The following MSL3 variants were observed in gnomAD, a reference collection of about 807,000 sequenced individuals.
MSL3 encodes the protein MSL3-like 1.
In MSL3, 5 loss-of-function variants were observed where a neutral mutation model predicts 37.2. The observed-to-expected ratio is 0.13, with a 90% CI of 0.07 to 0.28. The LOEUF (loss-of-function observed/expected upper bound fraction) is 0.28, where lower values mean the gene tolerates loss of function less well. Ranked by LOEUF, MSL3 falls within the 10% of genes least tolerant of loss-of-function variation. The pLI, the probability that MSL3 is intolerant of heterozygous loss-of-function variation, is 1.00. For synonymous variants in MSL3, 149 were observed against 147.6 expected, an observed-to-expected ratio of 1.01 and a Z score of -0.07; for missense variants, 315 against 408.5, an observed-to-expected ratio of 0.77 and a Z score of 1.97.
chrX:11,764,319 C>T (rs772215416), intron 8 of MSL3: 9 of 121,723 alleles, frequency 7.4e-5, no homozygotes, highest in Non-Finnish European at 1.5e-4. Context: ...TTAGGAGCCT[C>T]CTTCTTTTGC....
At chrX:11,766,042 C>G in intron 9 of MSL3, 1 of 962,985 alleles carries the variant, frequency 1.0e-6, no homozygotes, top group Non-Finnish European at 1.3e-6. Flanking sequence ...CCTAATGAAG[C>G]ATTCAAAATG....
At chrX:11,765,369 A>C in intron 8 of MSL3, 98 bp from the exon 9 acceptor site, 1 of 1,025,039 alleles carries the variant, frequency 9.8e-7, no homozygotes, top group Non-Finnish European at 1.3e-6. Context: ...CATATTTACG[A>C]CCCTCCTGGA....
intron 10 of MSL3, among the ~76,000 whole-genome samples, chrX:11,771,396 A>T (rs1482888266): frequency 8.9e-6 from 1 of 112,844 alleles, no homozygotes; most frequent in African/African-American, 3.2e-5. Context: ...AAGACAAATC[A>T]GTTATCAGGT....
At chrX:11,758,783 C>T in intron 1 of MSL3, 1 of 1,163,980 alleles carries the variant, frequency 8.6e-7, no homozygotes, top group South Asian at 1.9e-5. Flanking sequence ...GGTTCTAATT[C>T]ATAGTTACAC....
At position 11,762,317 on chromosome X, in the gene MSL3, T is replaced by G. The variant is rs142532169; in HGVS notation, c.588+65T>G. ...ATTTTCATTTTGCCATAGTTTGCAA[T>G]CATAGACGTAAGCAATAGCGAATCT... On this transcript the variant is annotated intron_variant, in intron 6 of 12. Coordinates refer to ENST00000312196, the MANE Select transcript of MSL3 (RefSeq NM_078629.4). 1.0e-3 allele frequency: 973 copies of G among 966,683 alleles called. 8 individuals are homozygous for G. The African/African-American group carries it at 0.017, about 16-fold the overall frequency. 79.7% of individuals were successfully genotyped at this position (966,683 alleles called of 1,213,427 possible). A position where few individuals can be genotyped will look rare whatever the true frequency, so the allele number is the denominator to read the frequency against.
chrX:11,766,199 T>C (rs1273892150), intron 9 of MSL3: 12 of 775,654 alleles, frequency 1.5e-5, no homozygotes, highest in Non-Finnish European at 1.8e-5. Context: ...TCACCTCCTC[T>C]TAGCCCAACT....
chrX:11,772,297 G>C, intron 11 of MSL3, 42 bp downstream of exon 11: 1 of 1,048,045 alleles, frequency 9.5e-7, no homozygotes, highest in South Asian at 1.9e-5. Flanking sequence ...TTTTCATTTT[G>C]TATTCTCTTG....
At position 11,765,576 on chromosome X, in the gene MSL3, G is replaced by T. The variant is rs148614636; in HGVS notation, c.1018G>T (p.Ala340Ser). The T allele has an allele frequency of 1.9e-3, 2,291 of 1,209,242 alleles. 5 individuals carry two copies. The highest frequency in any genetic ancestry group is 1.7e-3 in the Non-Finnish European group (1,487 of 894,928). The change falls in exon 9 of 13, where the codon GCT becomes TCT. Residue 340 changes from alanine (A) to serine (S), a missense_variant. By Grantham distance (99) the Ala-to-Ser change is moderately conservative (BLOSUM62 1). Coordinates refer to ENST00000312196, the MANE Select transcript of MSL3 (RefSeq NM_078629.4). ...ACCAGCCACCCCCAAAAGGCGCAAAGCTGAGCCAGAAGCATTGCAGTCTCT... is the reference window on the plus strand; with the variant it reads ...ACCAGCCACCCCCAAAAGGCGCAAATCTGAGCCAGAAGCATTGCAGTCTCT... ...GEPATPKRRK[A>S]EPEALQSLRR...
intron 9 of MSL3, chrX:11,765,958 C>A: frequency 9.7e-7 from 1 of 1,028,041 alleles, no homozygotes; most frequent in African/African-American, 1.9e-5. Flanking sequence ...TTTCCTCAGC[C>A]TTTCTTTTTT....
At position 11,765,320 on chromosome X, in the gene MSL3, C is replaced by G. The variant is rs1016467323; in HGVS notation, c.909-147C>G. The G allele has an allele frequency of 6.7e-6, 4 of 598,506 alleles. No homozygotes were observed. In the Admixed American group the frequency reaches 1.1e-4, roughly 17 times the overall value. The allele number at this position is 598,506 out of a possible 1,213,427, so 49.3% of individuals were successfully genotyped here. A position where few individuals can be genotyped will look rare whatever the true frequency, so the allele number is the denominator to read the frequency against. Reference sequence around the variant, plus strand: ...CATCACAATCTTTAATGCCAGCGTGCCTTGCAGAGTTATGGAGAGGGTCCA... The same window carrying G: ...CATCACAATCTTTAATGCCAGCGTGGCTTGCAGAGTTATGGAGAGGGTCCA... On this transcript the variant is annotated intron_variant, in intron 8 of 12. Transcript: ENST00000312196.
intron 12 of MSL3, among the ~76,000 whole-genome samples, chrX:11,773,728 A>T (rs186106650): frequency 8.9e-6 from 1 of 112,502 alleles, no homozygotes; most frequent in Non-Finnish European, 1.9e-5. Flanking sequence ...GCTAATTTTG[A>T]TGCATGCCTA....
chrX:11,766,777 A>G (rs763528796), intron 9 of MSL3: 123 of 753,452 alleles, frequency 1.6e-4, no homozygotes, highest in Non-Finnish European at 1.9e-4. Context: ...AACTCCAGAG[A>G]TGGAAGCCTG....
chrX:11,763,028 TTC>T (rs1569093709), intron 7 of MSL3, 31 bp downstream of exon 7: 1 of 1,164,996 alleles, frequency 8.6e-7, no homozygotes, highest in East Asian at 3.1e-5. Flanking sequence ...TGTTTTGTGG[TTC>T]TCTCTGTATT....
At chrX:11,759,900 T>C (rs191906143) in intron 2 of MSL3, 25 bp downstream of exon 2, 11 of 1,200,825 alleles carry the variant, frequency 9.2e-6, no homozygotes, top group Admixed American at 2.2e-5. Context: ...TAAACCAGAC[T>C]GAAAATTGAT....
At chrX:11,764,960 G>A (rs1601769054) in intron 8 of MSL3, among the ~76,000 whole-genome samples, 1 of 112,699 alleles carries the variant, frequency 8.9e-6, no homozygotes, top group African/African-American at 3.2e-5. Flanking sequence ...CCTCCGGGGT[G>A]GGTTGTGTGT....
intron 9 of MSL3, chrX:11,766,310 A>G (rs2053182780): frequency 2.7e-6 from 2 of 753,181 alleles, no homozygotes; most frequent in Admixed American, 8.6e-5. Flanking sequence ...CAAAATACAC[A>G]CAGGTTGATT....
chrX:11,758,500 A>C (rs1283940934), intron 1 of MSL3, 135 bp downstream of exon 1: 3 of 1,003,338 alleles, frequency 3.0e-6, no homozygotes, highest in Non-Finnish European at 3.8e-6. Context: ...TGCGGCCGGC[A>C]GGGGGCGCTC....
chrX:11,768,180 C>A (rs946850029), intron 9 of MSL3: 1 of 132,954 alleles, frequency 7.5e-6, no homozygotes, highest in Admixed American at 8.5e-5. Flanking sequence ...TTTCAGCACC[C>A]CCCCACGAGA....
intron 7 of MSL3, among the ~76,000 whole-genome samples, chrX:11,763,272 G>T (rs770204943): frequency 8.9e-6 from 1 of 112,948 alleles, no homozygotes; most frequent in East Asian, 2.8e-4. Context: ...TGTTTAGGGC[G>T]AGAACTTTCC....
Sources: gnomAD v4.1 joint callset for allele counts (sites outside exome capture counted in the v4.1 genomes callset) on GRCh38, gnomAD v4.1.1 for gene constraint, MANE v1.5 for transcripts, NCBI Gene and HGNC (gene_info 2026-07-23, HGNC 2026-07-21) for gene names.